CRACD: variants seen among roughly 807,000 people sequenced by gnomAD.
CRACD encodes the protein capping protein inhibiting regulator of actin dynamics.
In CRACD, 56 loss-of-function variants were observed where a neutral mutation model predicts 106.8. The ratio of observed to expected loss-of-function variants is 0.52; its 90% CI spans 0.42 to 0.66. CRACD has a LOEUF of 0.66. CRACD is among the 30% of genes least tolerant of loss of function. The probability of loss-of-function intolerance (pLI) is 0.00; values close to 1 mark genes in which losing one functional copy is unlikely to be tolerated. For missense variants in CRACD, 1,730 were observed against 1,623.2 expected (o/e 1.07, Z -1.13); for synonymous variants, 754 against 670.8 (o/e 1.12, Z -1.92).
intron 1 of CRACD, among the ~76,000 whole-genome samples, chr4:56,085,495 T>C (rs991708554): frequency 1.2e-4 from 18 of 152,302 alleles, no homozygotes; most frequent in Non-Finnish European, 7.4e-5. Context: ...CTCAAAAACA[T>C]CTCTGCCTTA....
chr4:56,311,236 C>T (rs938384491), intron 6 of CRACD: 5 of 159,578 alleles, frequency 3.1e-5, no homozygotes, highest in African/African-American at 1.2e-4. Flanking sequence ...GACTCTTCTC[C>T]CCGGGCACCT....
intron 4 of CRACD, among the ~76,000 whole-genome samples, chr4:56,307,216 A>C (rs913029238): frequency 7.2e-5 from 11 of 152,228 alleles, no homozygotes; most frequent in Admixed American, 2.6e-4. Flanking sequence ...TTTTGTCATA[A>C]CATATATCCC....
intron 1 of CRACD, among the ~76,000 whole-genome samples, chr4:56,056,609 CA>C (rs902828165): frequency 7.0e-6 from 1 of 143,714 alleles, no homozygotes; most frequent in Admixed American, 6.8e-5. Context: ...AAAAAAAAAA[CA>C]AACAAAAAAA....
intron 1 of CRACD, among the ~76,000 whole-genome samples, chr4:56,099,531 G>A (rs565279633): frequency 3.9e-5 from 6 of 152,252 alleles, no homozygotes; most frequent in South Asian, 2.1e-4. Flanking sequence ...TGACTGTTCC[G>A]AAATGGCTGG....
At chr4:56,078,441 C>G (rs1375648033) in intron 1 of CRACD, among the ~76,000 whole-genome samples, 3 of 152,160 alleles carry the variant, frequency 2.0e-5, no homozygotes, top group Non-Finnish European at 2.9e-5. Flanking sequence ...GAGTCTCACT[C>G]TGTCACCCAG....
chr4:56,171,440 TA>T (rs1736360316), intron 1 of CRACD, among the ~76,000 whole-genome samples: 1 of 152,110 alleles, frequency 6.6e-6, no homozygotes, highest in South Asian at 2.1e-4. Context: ...CATCATAGAT[TA>T]GGGGGGCTGT....
intron 2 of CRACD, among the ~76,000 whole-genome samples, chr4:56,190,983 T>C (rs1737345080): frequency 6.6e-6 from 1 of 152,182 alleles, no homozygotes; most frequent in Non-Finnish European, 1.5e-5. Flanking sequence ...ATGAGGATTA[T>C]GCGGATTACA....
At chr4:56,217,368 A>G (rs1300800690) in intron 2 of CRACD, among the ~76,000 whole-genome samples, 2 of 148,934 alleles carry the variant, frequency 1.3e-5, no homozygotes, top group South Asian at 4.4e-4. Flanking sequence ...TACATTTTAG[A>G]GAGACATAAG....
intron 1 of CRACD, among the ~76,000 whole-genome samples, chr4:56,050,398 A>T (rs1463843664): frequency 6.6e-6 from 1 of 151,958 alleles, no homozygotes; most frequent in Non-Finnish European, 1.5e-5. Flanking sequence ...GATTCTTAGT[A>T]AATATCCTGT....
At chr4:56,268,978 A>G (rs1742191288) in intron 2 of CRACD, among the ~76,000 whole-genome samples, 1 of 152,212 alleles carries the variant, frequency 6.6e-6, no homozygotes, top group Non-Finnish European at 1.5e-5. Flanking sequence ...CTGAAATCAA[A>G]CCCTCTATTT....
rs184166868 is a variant in CRACD, at chr4:56,213,360, C to A, written c.-189+33930C>A. Among the ~76,000 whole-genome samples, 31 of 152,264 alleles carry A rather than the reference C, an allele frequency of 2.0e-4. No individual in the cohort carries two copies. The East Asian group carries it at 4.6e-3, about 23-fold the overall frequency. The stretch of plus-strand genomic sequence containing the variant: ...ACTCAGGAGGCTGAGGCAGGAGAAT[C>A]GCTTGAACCCGGGAGGCAGAGGTTT... On this transcript the variant is annotated intron_variant, in intron 2 of 10. Coordinates refer to ENST00000682029, the MANE Select transcript of CRACD (RefSeq NM_001393381.1).
intron 1 of CRACD, among the ~76,000 whole-genome samples, chr4:56,118,986 A>G (rs758552007): frequency 4.7e-4 from 71 of 152,240 alleles, no homozygotes; most frequent in Non-Finnish European, 9.1e-4. Flanking sequence ...ATGAAAACAT[A>G]CAGAACAATA....
intron 2 of CRACD, among the ~76,000 whole-genome samples, chr4:56,243,003 C>T (rs770749740): frequency 3.9e-5 from 6 of 152,250 alleles, no homozygotes; most frequent in African/African-American, 1.4e-4. Context: ...TTGAGAGTCC[C>T]GAATTTGGAG....
chr4:56,272,898 C>CAA lies in CRACD; in HGVS notation c.-17+421_-17+422dup, dbSNP rs11434095. Among the ~76,000 whole-genome samples the CAA allele has an allele frequency of 2.9e-3, 365 of 124,820 alleles. 5 individuals carry two copies. The highest frequency in any genetic ancestry group is 6.1e-3 in the African/African-American group (205 of 33,814). The allele number at this position is 124,820 out of a possible 152,430, so 81.9% of individuals were successfully genotyped here. ...TGGGTGACAGAGTGAGACTCTGCCT[C>CAA]AAAAAAAAAAAAAAAAGGATCACAA... On this transcript the variant is annotated intron_variant, in intron 3 of 10. Transcript: ENST00000682029.
At chr4:56,250,071 G>T (rs11939872) in intron 2 of CRACD, among the ~76,000 whole-genome samples, 1 of 151,976 alleles carries the variant, frequency 6.6e-6, no homozygotes, top group Admixed American at 6.6e-5. Flanking sequence ...ATATCTAAAG[G>T]TCTTTAACTT....
At chr4:56,160,591 C>G (rs1577701889) in intron 1 of CRACD, among the ~76,000 whole-genome samples, 1 of 152,202 alleles carries the variant, frequency 6.6e-6, no homozygotes, top group African/African-American at 2.4e-5. Context: ...CATTAAGGCA[C>G]TAAATAAAAG....
chr4:56,157,486 A>G (rs896126925), intron 1 of CRACD, among the ~76,000 whole-genome samples: 5 of 152,194 alleles, frequency 3.3e-5, no homozygotes, highest in Admixed American at 3.3e-4. Flanking sequence ...TACACTCTGG[A>G]AGATTGACTG....
At position 56,307,691 on chromosome 4, in the gene CRACD, G is replaced by C; in HGVS notation, c.277G>C (p.Glu93Gln). ...TQQDIVLSDA[E>Q]NKSSDTPSSL... The stretch of plus-strand genomic sequence containing the variant: ...GCAGGACATCGTCCTCTCAGACGCA[G>C]AGAACAAGGTAAGTCTCCTCCAGGG... The change falls in exon 5 of 11, where the codon GAG (glutamate) becomes CAG (glutamine). Residue 93 changes from glutamate to glutamine, a missense_variant. Physicochemically the swap from Glu to Gln is conservative, Grantham distance 29. Coordinates refer to ENST00000682029, the MANE Select transcript of CRACD (RefSeq NM_001393381.1). 4 of 1,614,104 alleles carry C rather than the reference G, an allele frequency of 2.5e-6. No individual in the cohort carries two copies. Among genetic ancestry groups the C allele is most frequent in the Non-Finnish European group, 3.4e-6 (4 of 1,180,036 alleles).
intron 5 of CRACD, chr4:56,308,957 G>A (rs898329005): frequency 7.9e-7 from 1 of 1,269,378 alleles, no homozygotes; most frequent in Non-Finnish European, 1.0e-6. Context: ...ACAGAGGTGA[G>A]CAAGATTCTA....
Sources: allele counts gnomAD v4.1 joint callset (sites outside exome capture counted in the v4.1 genomes callset), GRCh38; gene constraint gnomAD v4.1.1; transcripts MANE v1.5; gene names NCBI Gene and HGNC (gene_info 2026-07-23, HGNC 2026-07-21).